HMOX2: variants seen among roughly 807,000 people sequenced by gnomAD.
HMOX2 encodes the protein heme oxygenase 2, also known as heme oxygenase (decycling) 2.
In HMOX2, 30 loss-of-function variants were observed where a neutral mutation model predicts 33.7. That is an observed-to-expected ratio of 0.89 (90% CI 0.67 to 1.21). The LOEUF is 1.21. HMOX2 is among the 50% of genes most tolerant of loss of function. HMOX2 has a pLI of 0.00. For missense variants in HMOX2, 403 were observed against 399.1 expected, an observed-to-expected ratio of 1.01 and a Z score of -0.08; for synonymous variants, 155 against 155.0, an observed-to-expected ratio of 1.00 and a Z score of 0.00.
At chr16:4,485,702 T>G (rs2141534920) in intron 1 of HMOX2, among the ~76,000 whole-genome samples, 1 of 152,096 alleles carries the variant, frequency 6.6e-6, no homozygotes, top group East Asian at 1.9e-4. Context: ...GGGATTGATT[T>G]TTTTGTTTTT....
At chr16:4,503,433 G>GA (rs1459088800) in intron 1 of HMOX2, among the ~76,000 whole-genome samples, 2 of 152,154 alleles carry the variant, frequency 1.3e-5, no homozygotes, top group Non-Finnish European at 2.9e-5. Context: ...AGACTGTGCT[G>GA]TGCATCGTAC....
chr16:4,502,377 CA>C (rs971062338), intron 1 of HMOX2, among the ~76,000 whole-genome samples: 1 of 152,230 alleles, frequency 6.6e-6, no homozygotes, highest in African/African-American at 2.4e-5. Flanking sequence ...TAAGTAGGTG[CA>C]AATGGCAAGA....
chr16:4,476,927 G>A (rs537637709), intron 1 of HMOX2, among the ~76,000 whole-genome samples: 2 of 152,184 alleles, frequency 1.3e-5, no homozygotes, highest in African/African-American at 4.8e-5. Flanking sequence ...CTGTTTCCCG[G>A]GCTGTTGGCA....
At chr16:4,506,863 T>G in intron 2 of HMOX2, 32 bp from the exon 3 acceptor site, 1 of 1,494,522 alleles carries the variant, frequency 6.7e-7, no homozygotes, top group South Asian at 1.1e-5. Flanking sequence ...GAAGGGCTAA[T>G]TGACACACAA....
intron 3 of HMOX2, 54 bp downstream of exon 3, chr16:4,507,066 T>A: frequency 8.3e-7 from 1 of 1,205,994 alleles, no homozygotes; most frequent in Non-Finnish European, 1.2e-6. Flanking sequence ...GGTGGGGGCC[T>A]TGGTCCCATG....
intron 1 of HMOX2, among the ~76,000 whole-genome samples, chr16:4,479,273 C>T (rs2057953116): frequency 6.6e-6 from 1 of 152,132 alleles, no homozygotes; most frequent in African/African-American, 2.4e-5. Context: ...TTTTTGGTGT[C>T]TTTGGATGCT....
At chr16:4,481,449 G>A (rs1173916565) in intron 1 of HMOX2, among the ~76,000 whole-genome samples, 1 of 152,052 alleles carries the variant, frequency 6.6e-6, no homozygotes, top group African/African-American at 2.4e-5. Context: ...AAGTAGCTGT[G>A]ATGATCATAA....
chr16:4,478,339 C>G (rs945644431), intron 1 of HMOX2, among the ~76,000 whole-genome samples: 1 of 152,154 alleles, frequency 6.6e-6, no homozygotes, highest in Non-Finnish European at 1.5e-5. Context: ...GCTAGAGCTA[C>G]CTTGATTTTT....
At chr16:4,509,331 C>G in intron 4 of HMOX2, 81 bp from the exon 5 acceptor site, 821 of 1,436,062 alleles carry the variant, frequency 5.7e-4, no homozygotes, top group Non-Finnish European at 7.2e-4. Flanking sequence ...GCAACAGAGA[C>G]CTCATCTCAA....
rs150556113 is a variant in HMOX2 at position 4,497,837 on chromosome 16, A to T, written c.-41-7647A>T. Among the ~76,000 whole-genome samples, 113 of 152,108 alleles carry T rather than the reference A, an allele frequency of 7.4e-4. 2 individuals carry two copies. The East Asian group carries it at 0.021, about 28-fold the overall frequency. On this transcript the variant is annotated intron_variant, in intron 1 of 5. Coordinates refer to ENST00000570646, the MANE Select transcript of HMOX2 (RefSeq NM_002134.4). ...GGTGTTGAACTCCTGGCCACAAGTG[A>T]TCCTTCTGCCTCAGAGTTCCAAAGT... is the stretch of plus-strand genomic sequence containing the variant.
rs577807741 is a variant in HMOX2 at position 4,510,091 on chromosome 16, CCT to C, written c.*336_*337del. On this transcript the variant is annotated 3_prime_UTR_variant, in exon 6 of 6. Transcript: ENST00000570646. ...TTGCAGTACATGGGTGACTATCTCC[CCT>C]GTTGGAGGTGAGTGGCCTGTAAGTC... 4.8e-4 allele frequency: 145 copies of C among 303,442 alleles called. 1 individual carries two copies. Among genetic ancestry groups the C allele is most frequent in the African/African-American group, 2.9e-3 (136 of 47,424 alleles). The allele number at this position is 303,442 out of a possible 1,614,324, so 18.8% of individuals were successfully genotyped here. A position where few individuals can be genotyped will look rare whatever the true frequency, so the allele number is the denominator to read the frequency against.
rs1183305498 is a variant in HMOX2 at position 4,477,634 on chromosome 16, C to T, written c.-42+1147C>T. Among the ~76,000 whole-genome samples, 3 of 150,776 alleles carry T rather than the reference C, an allele frequency of 2.0e-5. No individual in the cohort carries two copies. The Admixed American group carries it at 2.0e-4, about 10-fold the overall frequency. ...GGTGGAGTGTGATTGAAGAAAGAAACGCTGGCCGGTGCAGTGGCTCACTCC... is the reference window on the plus strand; with the variant it reads ...GGTGGAGTGTGATTGAAGAAAGAAATGCTGGCCGGTGCAGTGGCTCACTCC... On this transcript the variant is annotated intron_variant, in intron 1 of 5. Coordinates refer to ENST00000570646, the MANE Select transcript of HMOX2 (RefSeq NM_002134.4).
chr16:4,491,389 C>G (rs55939215), intron 1 of HMOX2, among the ~76,000 whole-genome samples: 85,897 of 151,918 alleles, frequency 0.57, 26,693 homozygotes, highest in Non-Finnish European at 0.7. Flanking sequence ...ATGGCCCACT[C>G]CTGTAATCCT....
chr16:4,485,715 T>C (rs2058150892), intron 1 of HMOX2, among the ~76,000 whole-genome samples: 1 of 152,034 alleles, frequency 6.6e-6, no homozygotes, highest in Non-Finnish European at 1.5e-5. Context: ...TTGTTTTTGT[T>C]TTTGTTTTTA....
At position 4,507,076 on chromosome 16, in the gene HMOX2, G is replaced by A. The variant is rs1402847810; in HGVS notation, c.204+64G>A. The A allele has an allele frequency of 7.7e-6, 8 of 1,038,188 alleles. No homozygotes were observed. The East Asian group carries it at 1.7e-4, about 22-fold the overall frequency. The allele number at this position is 1,038,188 out of a possible 1,614,324, so 64.3% of individuals were successfully genotyped here. The stretch of plus-strand genomic sequence containing the variant: ...GTTGGGGTGGGGGCCTTGGTCCCAT[G>A]AGAAAAGTGCCCCTGGAGCCACTCT... On this transcript the variant is annotated intron_variant, in intron 3 of 5. Coordinates refer to ENST00000570646, the MANE Select transcript of HMOX2 (RefSeq NM_002134.4).
intron 1 of HMOX2, among the ~76,000 whole-genome samples, chr16:4,488,067 G>A (rs912490859): frequency 3.4e-5 from 5 of 148,838 alleles, no homozygotes; most frequent in African/African-American, 1.2e-4. Context: ...AGGTTGCAGT[G>A]AGCTCAGACC....
intron 1 of HMOX2, among the ~76,000 whole-genome samples, chr16:4,490,975 T>A (rs1393558075): frequency 6.6e-6 from 1 of 152,178 alleles, no homozygotes; most frequent in Non-Finnish European, 1.5e-5. Context: ...CATTGAGTAG[T>A]ATCCCTGACC....
rs561824873 is a variant in HMOX2, at chr16:4,479,173, G to A, written c.-42+2686G>A. Among the ~76,000 whole-genome samples, 4 of 152,140 alleles carry A rather than the reference G, an allele frequency of 2.6e-5. No homozygotes were observed. In the East Asian group the frequency reaches 7.7e-4, roughly 29 times the overall value. On this transcript the variant is annotated intron_variant, in intron 1 of 5. Transcript: ENST00000570646. ...TCTCAAAGAAAAAAAAATTCTATCA[G>A]AGTGAACAATAAGTAGGATGCTAGC...
chr16:4,489,401 C>A (rs548313585), intron 1 of HMOX2, among the ~76,000 whole-genome samples: 1 of 152,166 alleles, frequency 6.6e-6, no homozygotes, highest in South Asian at 2.1e-4. Flanking sequence ...TGATCCGCCT[C>A]AGCCTCGCGA....
Sources: gnomAD v4.1 joint callset for allele counts (sites outside exome capture counted in the v4.1 genomes callset) on GRCh38, gnomAD v4.1.1 for gene constraint, MANE v1.5 for transcripts, NCBI Gene and HGNC (gene_info 2026-07-23, HGNC 2026-07-21) for gene names.